COA1: variants seen among roughly 807,000 people sequenced by gnomAD.
COA1 encodes cytochrome c oxidase assembly factor 1 homolog.
COA1 carries 13 observed loss-of-function variants against 16.0 expected under a neutral mutation model. That is an observed-to-expected ratio of 0.81 (90% confidence interval 0.53 to 1.29). COA1 has a LOEUF of 1.29. COA1 is among the 50% of genes most tolerant of loss of function. COA1 has a pLI of 0.00. For synonymous variants in COA1, 65 were observed against 65.7 expected, an observed-to-expected ratio of 0.99 and a Z score of 0.05; for missense variants, 179 against 177.0, an observed-to-expected ratio of 1.01 and a Z score of -0.06.
At position 43,729,038 on chromosome 7, in the gene COA1, C is replaced by A. The variant is rs1292730972; in HGVS notation, c.-39+391G>T. On this transcript the variant is annotated intron_variant, in intron 1 of 5. Transcript: ENST00000223336. Reference sequence around the variant, plus strand: ...ATTATAACCACTAAACCAGGTAATTCTTTCCTACAATAATTTGGGCAGCGT... The same window carrying A: ...ATTATAACCACTAAACCAGGTAATTATTTCCTACAATAATTTGGGCAGCGT... Among the ~76,000 whole-genome samples the A allele has an allele frequency of 2.6e-5, 4 of 152,196 alleles. 1 individual carries two copies. The highest frequency in any genetic ancestry group is 2.1e-4 in the South Asian group (1 of 4,834).
chr7:43,677,760 C>T (rs1298375291), intron 1 of COA1, among the ~76,000 whole-genome samples: 1 of 145,560 alleles, frequency 6.9e-6, no homozygotes, highest in African/African-American at 2.6e-5. Flanking sequence ...GATCATATAC[C>T]ACTGCACTCT....
chr7:43,645,287 G>C lies in COA1; in HGVS notation c.228C>G (p.Ile76Met). 1 of 1,614,036 alleles carries C rather than the reference G, an allele frequency of 6.2e-7. No homozygotes were observed. Among genetic ancestry groups the C allele is most frequent in the Non-Finnish European group, 8.5e-7 (1 of 1,179,960 alleles). ...PPLNIHYLKL[I>M]DRENFVDIVD... is the part of the protein sequence containing the mutation. ...CAATGTCCACGAAGTTTTCCCTGTC[G>C]ATGAGCTTGAGATAATGGATGTTGA... is the stretch of plus-strand genomic sequence containing the variant. Residue 76 changes from isoleucine (I) to methionine (M), a missense_variant, in exon 4 of 6, where the codon ATC becomes ATG. Coordinates refer to ENST00000223336, the MANE Select transcript of COA1 (RefSeq NM_018224.4).
intron 5 of COA1, 60 bp from the exon 6 acceptor site, chr7:43,639,741 T>C: frequency 2.2e-6 from 3 of 1,357,366 alleles, no homozygotes; most frequent in Non-Finnish European, 3.1e-6. Flanking sequence ...ACAGCCGTAG[T>C]CAAAAAAAGG....
chr7:43,627,514 T>C (rs1410561071), intron 6 of COA1, among the ~76,000 whole-genome samples: 2 of 152,134 alleles, frequency 1.3e-5, no homozygotes, highest in African/African-American at 4.8e-5. Flanking sequence ...CATACATGAA[T>C]ATAGATAGGA....
At chr7:43,624,749 T>C in intron 6 of COA1, 1 of 1,613,766 alleles carries the variant, frequency 6.2e-7, no homozygotes, top group Non-Finnish European at 8.5e-7. Flanking sequence ...GCAGACAGTC[T>C]GAAAAAGAGA....
At chr7:43,715,959 T>C (rs925259321) in intron 1 of COA1, among the ~76,000 whole-genome samples, 2 of 152,194 alleles carry the variant, frequency 1.3e-5, no homozygotes, top group African/African-American at 2.4e-5. Flanking sequence ...ATCCTCCTCA[T>C]TCTCTCTTTG....
intron 1 of COA1, among the ~76,000 whole-genome samples, chr7:43,714,197 T>C (rs1294989313): frequency 4.6e-5 from 7 of 150,652 alleles, no homozygotes; most frequent in African/African-American, 1.7e-4. Context: ...CTAAAAAAAT[T>C]AAAAATAAAA....
intron 4 of COA1, 92 bp downstream of exon 4, chr7:43,645,159 C>G: frequency 7.9e-7 from 1 of 1,272,668 alleles, no homozygotes; most frequent in East Asian, 2.5e-5. Context: ...TTTCCCATCC[C>G]AAATCCTTAA....
At chr7:43,703,344 T>C (rs1563424850) in intron 1 of COA1, among the ~76,000 whole-genome samples, 1 of 152,222 alleles carries the variant, frequency 6.6e-6, no homozygotes, top group Non-Finnish European at 1.5e-5. Context: ...AGATGTCTGT[T>C]AGGTCCATTT....
chr7:43,625,112 G>C (rs2084363879), intron 6 of COA1: 4 of 294,602 alleles, frequency 1.4e-5, no homozygotes, highest in African/African-American at 2.2e-5. Flanking sequence ...TGTTTCTCCA[G>C]AATGAGAATT....
At chr7:43,616,009 G>T (rs1381853335) in intron 6 of COA1, among the ~76,000 whole-genome samples, 1 of 152,170 alleles carries the variant, frequency 6.6e-6, no homozygotes, top group Non-Finnish European at 1.5e-5. Flanking sequence ...GCGACCTGAG[G>T]TGTACTTATT....
chr7:43,644,684 G>T (rs966762022), intron 4 of COA1, among the ~76,000 whole-genome samples: 1 of 133,168 alleles, frequency 7.5e-6, no homozygotes, highest in African/African-American at 2.8e-5. Flanking sequence ...GCACTATCAC[G>T]CCTGGCTAAA....
intron 1 of COA1, among the ~76,000 whole-genome samples, chr7:43,723,702 G>T (rs563129473): frequency 1.3e-5 from 2 of 152,086 alleles, no homozygotes; most frequent in Non-Finnish European, 1.5e-5. Flanking sequence ...TGAGGTGGGC[G>T]GATCGCTTGA....
At chr7:43,641,368 T>C (rs2087044123) in intron 4 of COA1, 1 of 148,842 alleles carries the variant, frequency 6.7e-6, no homozygotes, top group African/African-American at 2.5e-5. Context: ...CTCTACTTAA[T>C]GATATATGTG....
At chr7:43,672,017 C>T (rs1343413990) in intron 1 of COA1, among the ~76,000 whole-genome samples, 1 of 152,116 alleles carries the variant, frequency 6.6e-6, no homozygotes, top group Non-Finnish European at 1.5e-5. Context: ...CAGACTAATA[C>T]ACTATGCATC....
At chr7:43,723,792 T>C (rs1314759018) in intron 1 of COA1, among the ~76,000 whole-genome samples, 2 of 152,074 alleles carry the variant, frequency 1.3e-5, no homozygotes, top group Non-Finnish European at 2.9e-5. Flanking sequence ...CCCGGCGTGG[T>C]GGCATGTGCC....
rs761592421 is a variant in COA1, at chr7:43,710,375, A to AAAT, written c.-39+19053_-39+19054insATT. ...AAAAAAAAAAAAAAAAAAAAAAAAA[A>AAAT]ATATATATATATATATATATTTTTA... On this transcript the variant is annotated intron_variant, in intron 1 of 5. Transcript: ENST00000223336. Among the ~76,000 whole-genome samples the AAAT allele has an allele frequency of 2.9e-3, 105 of 36,400 alleles. 1 individual carries two copies. The highest frequency in any genetic ancestry group is 6.2e-3 in the South Asian group (6 of 966). The allele number at this position is 36,400 out of a possible 152,430, so 23.9% of individuals were successfully genotyped here. A position where few individuals can be genotyped will look rare whatever the true frequency, so the allele number is the denominator to read the frequency against.
intron 1 of COA1, among the ~76,000 whole-genome samples, chr7:43,726,068 T>C (rs849172): frequency 0.56 from 85,207 of 151,950 alleles, 25,668 homozygotes; most frequent in African/African-American, 0.8. Flanking sequence ...ATGAAAAAAG[T>C]ACCTACTATT....
At chr7:43,680,357 C>A (rs114266959) in intron 1 of COA1, among the ~76,000 whole-genome samples, 3 of 149,330 alleles carry the variant, frequency 2.0e-5, no homozygotes, top group African/African-American at 7.4e-5. Flanking sequence ...GGGCCCAAAA[C>A]GTCTTTAATT....
Sources: allele counts gnomAD v4.1 joint callset (sites outside exome capture counted in the v4.1 genomes callset), GRCh38; gene constraint gnomAD v4.1.1; transcripts MANE v1.5; gene names NCBI Gene and HGNC (gene_info 2026-07-23, HGNC 2026-07-21).